The following SLC14A2 variants were observed in gnomAD, a reference collection of about 807,000 sequenced individuals.
SLC14A2 encodes the protein urea transporter 2.
SLC14A2 carries 91 observed loss-of-function variants against 104.6 expected under a neutral mutation model. The observed-to-expected ratio is 0.87, with a 90% CI of 0.73 to 1.04. SLC14A2 has a LOEUF of 1.04. Ranked by LOEUF, SLC14A2 falls within the 50% of genes least tolerant of loss-of-function variation. SLC14A2 has a pLI of 0.00. For missense variants in SLC14A2, 1,189 were observed against 1,156.0 expected (o/e 1.03, Z -0.41); for synonymous variants, 476 against 466.4 (o/e 1.02, Z -0.27).
At position 45,644,014 on chromosome 18, in the gene SLC14A2, T is replaced by C; in HGVS notation, c.1205T>C (p.Phe402Ser). ...GGCGTGCCACCAGGCACCTGGGCCT[T>C]CTGCCTTGCCACCATCATCTTCCTG... Reference protein sequence around the residue: ...VVGVPPGTWAFCLATIIFLLL... With the variant: ...VVGVPPGTWASCLATIIFLLL... The change falls in exon 10 of 20, where the codon TTC becomes TCC. Residue 402 changes from phenylalanine to serine, a missense_variant. Transcript: ENST00000255226. 6.2e-7 allele frequency: 1 copy of C among 1,614,152 alleles called. No homozygotes were observed. The highest frequency in any genetic ancestry group is 8.5e-7 in the Non-Finnish European group (1 of 1,179,996).
chr18:45,351,477 C>T (rs957360271), intron 1 of SLC14A2, among the ~76,000 whole-genome samples: 1 of 152,140 alleles, frequency 6.6e-6, no homozygotes, highest in Non-Finnish European at 1.5e-5. Context: ...GCCTGAGCCC[C>T]CCAAGTAGCT....
chr18:45,672,823 T>C (rs1369277474), intron 16 of SLC14A2, 77 bp from the exon 17 acceptor site: 2 of 1,410,128 alleles, frequency 1.4e-6, no homozygotes, highest in African/African-American at 1.4e-5. Flanking sequence ...AAGGGTTCAG[T>C]GCCAAGTCTC....
intron 1 of SLC14A2, among the ~76,000 whole-genome samples, chr18:45,274,128 T>C (rs2084678063): frequency 6.6e-6 from 1 of 152,094 alleles, no homozygotes; most frequent in Non-Finnish European, 1.5e-5. Context: ...TGACCAACAA[T>C]GACACCCACA....
At chr18:45,593,778 C>T (rs903966592) in intron 2 of SLC14A2, among the ~76,000 whole-genome samples, 6 of 152,076 alleles carry the variant, frequency 3.9e-5, no homozygotes, top group African/African-American at 7.2e-5. Context: ...TGTGAGCCAC[C>T]GCGCCCTGCC....
At chr18:45,257,437 A>G (rs946175676) in intron 1 of SLC14A2, among the ~76,000 whole-genome samples, 5 of 152,188 alleles carry the variant, frequency 3.3e-5, no homozygotes, top group African/African-American at 1.2e-4. Context: ...TTTGTATGCT[A>G]ATTCTTAAGT....
At position 45,678,970 on chromosome 18, in the gene SLC14A2, T is replaced by TTTC. The variant is rs780146268; in HGVS notation, c.2513-5_2513-4insTTC. The TTTC allele has an allele frequency of 1.7e-4, 278 of 1,600,120 alleles. No homozygotes were observed. The highest frequency in any genetic ancestry group is 2.3e-4 in the Non-Finnish European group (270 of 1,177,330). On this transcript the variant is annotated splice_region_variant and splice_polypyrimidine_tract_variant and intron_variant, in intron 18 of 19. Coordinates refer to ENST00000255226, the MANE Select transcript of SLC14A2 (RefSeq NM_007163.4). Reference sequence around the variant, plus strand: ...TATTTCTTTCTTTTTTTTTTTTTTTTCTAGCACTGTTTGCTGCCTACCTGG... The same window carrying TTTC: ...TATTTCTTTCTTTTTTTTTTTTTTTTTTCCTAGCACTGTTTGCTGCCTACCTGG...
chr18:45,673,117 C>G, intron 17 of SLC14A2, 70 bp downstream of exon 17: 1 of 1,423,460 alleles, frequency 7.0e-7, no homozygotes, highest in South Asian at 1.2e-5. Context: ...AAAATGGTGA[C>G]TCTCATCTTC....
At chr18:45,388,347 C>T (rs1224431619) in intron 1 of SLC14A2, among the ~76,000 whole-genome samples, 1 of 152,116 alleles carries the variant, frequency 6.6e-6, no homozygotes, top group African/African-American at 2.4e-5. Context: ...CAGGCATGAG[C>T]CACCGCGCCC....
At chr18:45,297,776 A>C (rs1212623991) in intron 1 of SLC14A2, among the ~76,000 whole-genome samples, 3 of 152,220 alleles carry the variant, frequency 2.0e-5, no homozygotes, top group Non-Finnish European at 4.4e-5. Context: ...AAATAGAGAC[A>C]TCTTGACCAG....
the SLC14A2 span, among the ~76,000 whole-genome samples, chr18:45,176,434 C>T: frequency 6.6e-6 from 1 of 152,072 alleles, no homozygotes. Flanking sequence ...ACAGGATTTG[C>T]ACCATATAGA....
chr18:45,249,783 C>T (rs1665860766), intron 1 of SLC14A2, among the ~76,000 whole-genome samples: 1 of 152,036 alleles, frequency 6.6e-6, no homozygotes, highest in African/African-American at 2.4e-5. Context: ...GGCTCTGTCT[C>T]TACTAAAATT....
chr18:45,569,371 A>G (rs2044314243), intron 2 of SLC14A2, among the ~76,000 whole-genome samples: 1 of 151,962 alleles, frequency 6.6e-6, no homozygotes, highest in Non-Finnish European at 1.5e-5. Context: ...TAACCCCTTT[A>G]CTCTATTCTA....
At chr18:45,183,841 C>G in the SLC14A2 span, among the ~76,000 whole-genome samples, 4 of 151,302 alleles carry the variant, frequency 2.6e-5, no homozygotes, top group Non-Finnish European at 5.9e-5. Context: ...GCCAAGCTAT[C>G]CACCTCTCAG....
chr18:45,523,375 G>A (rs2043544310), intron 2 of SLC14A2, among the ~76,000 whole-genome samples: 1 of 151,822 alleles, frequency 6.6e-6, no homozygotes, highest in Admixed American at 6.6e-5. Context: ...TGTCACCCAG[G>A]CTGGAGTGCA....
intron 2 of SLC14A2, among the ~76,000 whole-genome samples, chr18:45,524,806 A>C (rs1233209456): frequency 6.6e-6 from 1 of 152,100 alleles, no homozygotes; most frequent in East Asian, 1.9e-4. Flanking sequence ...GAAAAATAAG[A>C]TAGAGGCACC....
chr18:45,217,399 G>A (rs1043449670), intron 1 of SLC14A2, among the ~76,000 whole-genome samples: 3 of 151,492 alleles, frequency 2.0e-5, no homozygotes, highest in African/African-American at 7.3e-5. Flanking sequence ...CCAAAAAGAA[G>A]AACAAGTCTC....
intron 7 of SLC14A2, 126 bp downstream of exon 7, chr18:45,640,019 C>G: frequency 1.1e-6 from 1 of 907,820 alleles, no homozygotes; most frequent in Non-Finnish European, 1.6e-6. Context: ...GGGAGACAGG[C>G]ACGGTGACTT....
chr18:45,214,801 A>AT (rs1416402771), intron 1 of SLC14A2, among the ~76,000 whole-genome samples: 2 of 151,720 alleles, frequency 1.3e-5, no homozygotes, highest in Admixed American at 6.6e-5. Flanking sequence ...ACAAACATTT[A>AT]TTGAACACTT....
chr18:45,624,772 T>C lies in SLC14A2; in HGVS notation c.108T>C (p.Asp36=), dbSNP rs757629646. 8 of 1,613,210 alleles carry C rather than the reference T, an allele frequency of 5.0e-6. No individual in the cohort carries two copies. The South Asian group carries it at 8.8e-5, about 18-fold the overall frequency. ...TSPSWPSTSP[D]THPALPLLEM... is the part of the protein sequence containing the mutation. ...CGAGCTGGCCCTCGACATCCCCGGA[T>C]ACTCACCCAGCTCTGCCCCTCCTGG... Residue 36 remains aspartate (D), a synonymous_variant, in exon 2 of 20, where the codon GAT becomes GAC. Transcript: ENST00000255226.
Sources: allele counts gnomAD v4.1 joint callset (sites outside exome capture counted in the v4.1 genomes callset), GRCh38; gene constraint gnomAD v4.1.1; transcripts MANE v1.5; gene names NCBI Gene and HGNC (gene_info 2026-07-23, HGNC 2026-07-21).